The following SLC25A23 variants were observed in gnomAD, a reference collection of about 807,000 sequenced individuals.
SLC25A23 encodes solute carrier family 25 member 23.
In SLC25A23, 32 loss-of-function variants were observed where a neutral mutation model predicts 53.9. The ratio of observed to expected loss-of-function variants is 0.59; its 90% CI spans 0.45 to 0.80. The LOEUF is 0.80. Among genes scored for constraint, SLC25A23 ranks in the 30% least tolerant of loss-of-function variants. The pLI, the probability that SLC25A23 is intolerant of heterozygous loss-of-function variation, is 0.00. For missense variants in SLC25A23, 575 were observed against 651.4 expected, an observed-to-expected ratio of 0.88 and a Z score of 1.28; for synonymous variants, 275 against 264.5, an observed-to-expected ratio of 1.04 and a Z score of -0.38.
At chr19:6,445,987 G>A (rs913769760) in intron 8 of SLC25A23, among the ~76,000 whole-genome samples, 2 of 152,120 alleles carry the variant, frequency 1.3e-5, no homozygotes, top group Admixed American at 1.3e-4. Context: ...TGAAGTGGGA[G>A]GATTGCTTGA....
In SLC25A23 at chr19:6,459,637, C is replaced by A; in HGVS notation, c.-9G>T. ...CCCGGGCTCCCCCGCATGGCGCCCG[C>A]CCGGGGGGGAGGGGAGGCCCGGCAG... On this transcript the variant is annotated 5_prime_UTR_variant, in exon 1 of 10. Coordinates refer to ENST00000301454, the MANE Select transcript of SLC25A23 (RefSeq NM_024103.3). The surrounding 1 kb of genome is among the most constrained non-coding windows in gnomAD (Gnocchi z 4.6). 1 of 1,447,808 alleles carries A rather than the reference C, an allele frequency of 6.9e-7. No individual in the cohort carries two copies. The highest frequency in any genetic ancestry group is 9.1e-7 in the Non-Finnish European group (1 of 1,104,716). The allele number at this position is 1,447,808 out of a possible 1,614,324, so 89.7% of individuals were successfully genotyped here. A position where few individuals can be genotyped will look rare whatever the true frequency, so the allele number is the denominator to read the frequency against.
intron 8 of SLC25A23, among the ~76,000 whole-genome samples, chr19:6,446,438 TC>T (rs1479227817): frequency 6.6e-6 from 1 of 152,130 alleles, no homozygotes; most frequent in Non-Finnish European, 1.5e-5. Flanking sequence ...ACCACCTTCA[TC>T]CCTTCCCACT....
At chr19:6,455,469 C>T (rs1018294404) in intron 4 of SLC25A23, among the ~76,000 whole-genome samples, 3 of 152,152 alleles carry the variant, frequency 2.0e-5, no homozygotes, top group African/African-American at 2.4e-5. Flanking sequence ...ATGGAGTCCC[C>T]GTGCAGGAAT....
intron 8 of SLC25A23, 125 bp from the exon 9 acceptor site, chr19:6,444,426 G>C: frequency 9.4e-7 from 1 of 1,063,476 alleles, no homozygotes; most frequent in Non-Finnish European, 1.3e-6. Context: ...GTACCTCCTA[G>C]GGGCCGGGCC....
intron 2 of SLC25A23, 91 bp downstream of exon 2, chr19:6,458,107 T>C: frequency 1.3e-6 from 2 of 1,501,826 alleles, no homozygotes; most frequent in South Asian, 1.3e-5. Context: ...CCCCCTCTCC[T>C]CCTAGCGCTG....
At position 6,442,141 on chromosome 19, in the gene SLC25A23, G is replaced by T. The variant is rs777958608; in HGVS notation, c.1241C>A (p.Pro414His). 2 of 1,580,300 alleles carry T rather than the reference G, an allele frequency of 1.3e-6. No individual in the cohort carries two copies. Among genetic ancestry groups the T allele is most frequent in the African/African-American group, 2.7e-5 (2 of 73,706 alleles). The change falls in exon 10 of 10, where the codon CCC becomes CAC. Residue 414 changes from proline (P) to histidine (H), a missense_variant. Transcript: ENST00000301454. ...TAGCAGACCCAGCATGGACAGCTGG[G>T]GGCCACCCTCGATGGAGGCTGGGAG... is the stretch of plus-strand genomic sequence containing the variant. ...MQAQASIEGG[P>H]QLSMLGLLRH...
At chr19:6,443,719 A>G in intron 9 of SLC25A23, 1 of 669,386 alleles carries the variant, frequency 1.5e-6, no homozygotes, top group Non-Finnish European at 2.7e-6. Context: ...AAACAGATTC[A>G]GGGAGAATGG....
intron 7 of SLC25A23, among the ~76,000 whole-genome samples, chr19:6,453,687 C>T (rs902686170): frequency 1.2e-4 from 19 of 152,286 alleles, no homozygotes; most frequent in South Asian, 2.1e-4. Flanking sequence ...CACCTAGACA[C>T]GACGTCCCTG....
rs1435156613 is a variant in SLC25A23, at chr19:6,454,817, C to A, written c.484-100G>T. ...TCTCCTCTATGAATCCTAGGATACC[C>A]TAGAGTCTGCCAATGACTCTTGCTT... On this transcript the variant is annotated intron_variant, in intron 4 of 9. Coordinates refer to ENST00000301454, the MANE Select transcript of SLC25A23 (RefSeq NM_024103.3). The surrounding 1 kb of genome is among the most constrained non-coding windows in gnomAD (Gnocchi z 4.3). The A allele has an allele frequency of 2.1e-6, 3 of 1,400,506 alleles. No individual in the cohort carries two copies. In the East Asian group the frequency reaches 7.0e-5, roughly 33 times the overall value. 86.8% of individuals were successfully genotyped at this position (1,400,506 alleles called of 1,614,324 possible).
chr19:6,442,231 T>G, intron 9 of SLC25A23, 72 bp from the exon 10 acceptor site: 1 of 1,119,334 alleles, frequency 8.9e-7, no homozygotes, highest in Non-Finnish European at 1.2e-6. Context: ...ACCCCCAGGG[T>G]TGGGCCAGGT....
Position 6,441,961 on chromosome 19 carries a change from G to A in SLC25A23, c.*14C>T, listed in dbSNP as rs748218826. 5.7e-5 allele frequency: 92 copies of A among 1,612,356 alleles called. No homozygotes were observed. The highest frequency in any genetic ancestry group is 6.4e-5 in the Non-Finnish European group (76 of 1,179,520). ...GTGGGGGGTGAGGGATTGGGGGGAC[G>A]GGCTCCGGGTCCCTCACCTGGACGT... On this transcript the variant is annotated 3_prime_UTR_variant, in exon 10 of 10. Transcript: ENST00000301454.
intron 9 of SLC25A23, among the ~76,000 whole-genome samples, chr19:6,443,063 C>T (rs976184615): frequency 1.3e-5 from 2 of 151,418 alleles, no homozygotes; most frequent in Admixed American, 6.6e-5. Flanking sequence ...CTCAGCCTCT[C>T]GAGTAGCTAA....
chr19:6,448,280 G>A (rs1410420584), intron 8 of SLC25A23, among the ~76,000 whole-genome samples: 1 of 152,208 alleles, frequency 6.6e-6, no homozygotes, highest in Non-Finnish European at 1.5e-5. Context: ...GATTAGTAAT[G>A]CCTAGCCCAG....
chr19:6,436,495 G>A (rs1156900920), downstream of SLC25A23: 23 of 455,154 alleles, frequency 5.1e-5, no homozygotes, highest in Admixed American at 5.4e-4. Context: ...ATGAGAAAGG[G>A]GGAGAGAGAG....
downstream of SLC25A23, among the ~76,000 whole-genome samples, chr19:6,436,989 C>T (rs192091151): frequency 2.0e-5 from 3 of 151,868 alleles, no homozygotes; most frequent in Non-Finnish European, 4.4e-5. Flanking sequence ...GCTGGGATCA[C>T]AGGCATGTGA....
intron 3 of SLC25A23, 126 bp downstream of exon 3, chr19:6,457,377 G>T: frequency 1.2e-6 from 1 of 834,292 alleles, no homozygotes. Context: ...AGATCTGTCT[G>T]ACTTCAAAGC....
Position 6,442,169 on chromosome 19 carries a change from G to A in SLC25A23, c.1223-10C>T, listed in dbSNP as rs746823258. On this transcript the variant is annotated splice_polypyrimidine_tract_variant and intron_variant, in intron 9 of 9. Coordinates refer to ENST00000301454, the MANE Select transcript of SLC25A23 (RefSeq NM_024103.3). Reference sequence around the variant, plus strand: ...CCACCCTCGATGGAGGCTGGGAGGGGGCGGGGGGGGCACCAGGTAAGGCCA... The same window carrying A: ...CCACCCTCGATGGAGGCTGGGAGGGAGCGGGGGGGGCACCAGGTAAGGCCA... 2.1e-6 allele frequency: 3 copies of A among 1,452,456 alleles called. No homozygotes were observed. The highest frequency in any genetic ancestry group is 2.8e-6 in the Non-Finnish European group (3 of 1,077,454). 90.0% of individuals were successfully genotyped at this position (1,452,456 alleles called of 1,614,324 possible). A position where few individuals can be genotyped will look rare whatever the true frequency, so the allele number is the denominator to read the frequency against.
At chr19:6,458,849 C>G (rs566746705) in intron 1 of SLC25A23, among the ~76,000 whole-genome samples, 1 of 152,274 alleles carries the variant, frequency 6.6e-6, no homozygotes, top group South Asian at 2.1e-4. Flanking sequence ...GGACTGCTCT[C>G]AGGGTTGCTG....
chr19:6,444,218 T>C lies in SLC25A23; in HGVS notation c.1155A>G (p.Ile385Met), dbSNP rs772657510. ...TGGCTATCTGGCCGCAGGTGCTGGA[T>C]ATGGTACCGCAGGCCAGGAGCACGA... is the stretch of plus-strand genomic sequence containing the variant. ...GILVLLACGT[I>M]SSTCGQIASY... is the part of the protein sequence containing the mutation. The change falls in exon 9 of 10, where the codon ATA becomes ATG. Residue 385 changes from isoleucine to methionine, a missense_variant. Coordinates refer to ENST00000301454, the MANE Select transcript of SLC25A23 (RefSeq NM_024103.3). 1 of 1,604,078 alleles carries C rather than the reference T, an allele frequency of 6.2e-7. No individual in the cohort carries two copies. Among genetic ancestry groups the C allele is most frequent in the Non-Finnish European group, 8.5e-7 (1 of 1,176,124 alleles).
Sources: allele counts gnomAD v4.1 joint callset (sites outside exome capture counted in the v4.1 genomes callset), GRCh38; gene constraint gnomAD v4.1.1; non-coding constraint Gnocchi (gnomAD v3.1); transcripts MANE v1.5; gene names NCBI Gene and HGNC (gene_info 2026-07-23, HGNC 2026-07-21).